Variants in SHANK2 observed in about 807,000 individuals in gnomAD.
SHANK2 encodes SH3 and multiple ankyrin repeat domains 2.
A neutral mutation model predicts 133.7 loss-of-function variants in SHANK2; 43 were observed. The observed-to-expected ratio is 0.32, with a 90% confidence interval of 0.25 to 0.41. The LOEUF is 0.41. Ranked by LOEUF, SHANK2 falls within the 10% of genes least tolerant of loss-of-function variation. The pLI, the probability that SHANK2 is intolerant of heterozygous loss-of-function variation, is 1.00. For synonymous variants in SHANK2, 1,017 were observed against 952.8 expected, an observed-to-expected ratio of 1.07 and a Z score of -1.24; for missense variants, 1,994 against 2,235.8, an observed-to-expected ratio of 0.89 and a Z score of 2.18.
intron 14 of SHANK2, among the ~76,000 whole-genome samples, chr11:70,742,136 T>C (rs1555034907): frequency 6.6e-6 from 1 of 152,204 alleles, no homozygotes; most frequent in African/African-American, 2.4e-5. Flanking sequence ...TTCCAAACCC[T>C]GGAGGCCACT....
chr11:70,629,435 AG>A (rs879956710), intron 17 of SHANK2, among the ~76,000 whole-genome samples: 2 of 152,152 alleles, frequency 1.3e-5, no homozygotes, highest in Non-Finnish European at 2.9e-5. Flanking sequence ...CCGGGTCTCC[AG>A]GCCTGATGGA....
At chr11:71,069,981 C>T (rs1166432241) in intron 9 of SHANK2, among the ~76,000 whole-genome samples, 4 of 152,304 alleles carry the variant, frequency 2.6e-5, no homozygotes, top group Admixed American at 2.6e-4. Flanking sequence ...CCACATGCCT[C>T]ATACATGTGT....
At chr11:70,820,202 C>T (rs1269992794) in intron 12 of SHANK2, among the ~76,000 whole-genome samples, 162 bp downstream of exon 12, 2 of 152,342 alleles carry the variant, frequency 1.3e-5, no homozygotes, top group African/African-American at 4.8e-5. Context: ...GGAGACCGTG[C>T]CAGCAGGGAC....
At chr11:70,599,941 A>AAAAGAAAGAAAGAAAG (rs2060467341) in intron 17 of SHANK2, among the ~76,000 whole-genome samples, 4 of 129,156 alleles carry the variant, frequency 3.1e-5, no homozygotes, top group African/African-American at 1.4e-4. Context: ...GAAAGAAAGA[A>AAAAGAAAGAAAGAAAG]AGAAAGAAAG....
intron 14 of SHANK2, among the ~76,000 whole-genome samples, chr11:70,745,632 C>T (rs903325756): frequency 6.6e-6 from 1 of 152,140 alleles, no homozygotes; most frequent in Admixed American, 6.5e-5. Flanking sequence ...CTCCGGGGAA[C>T]GTGGGTCTCG....
At chr11:70,568,953 T>C (rs1408157199) in intron 17 of SHANK2, among the ~76,000 whole-genome samples, 3 of 152,130 alleles carry the variant, frequency 2.0e-5, no homozygotes, top group Non-Finnish European at 4.4e-5. Context: ...GTGTGGCCAG[T>C]GGACTCAGCA....
chr11:70,695,524 A>ACTGG (rs1219268003), intron 15 of SHANK2, among the ~76,000 whole-genome samples: 1 of 152,180 alleles, frequency 6.6e-6, no homozygotes, highest in Non-Finnish European at 1.5e-5. Context: ...CACAAGAAAC[A>ACTGG]CTGGCCCTCC....
intron 1 of SHANK2, among the ~76,000 whole-genome samples, chr11:71,247,484 T>TA (rs139897996): frequency 0.052 from 7,559 of 146,008 alleles, 209 homozygotes; most frequent in Middle Eastern, 0.094. Flanking sequence ...CTGTTTTTTT[T>TA]AAAAAAAACA....
intron 6 of SHANK2, among the ~76,000 whole-genome samples, chr11:71,100,185 T>C (rs370087179): frequency 1.3e-5 from 2 of 152,070 alleles, no homozygotes; most frequent in East Asian, 1.9e-4. Context: ...AATGGCGCAG[T>C]CACTTTGGAA....
intron 17 of SHANK2, among the ~76,000 whole-genome samples, chr11:70,542,135 C>T (rs76664401): frequency 0.017 from 2,532 of 152,326 alleles, 47 homozygotes; most frequent in East Asian, 0.1. Flanking sequence ...AGTGAGCTGA[C>T]CGGTGGCCCT....
intron 6 of SHANK2, among the ~76,000 whole-genome samples, chr11:71,101,202 T>C (rs1342721458): frequency 6.6e-6 from 1 of 152,180 alleles, no homozygotes; most frequent in Admixed American, 6.5e-5. Context: ...AACCTAAAAC[T>C]GGGCTCTGTC....
chr11:71,071,035 A>G (rs2135967384), intron 9 of SHANK2, among the ~76,000 whole-genome samples: 1 of 152,370 alleles, frequency 6.6e-6, no homozygotes, highest in African/African-American at 2.4e-5. Context: ...AAACATCAAC[A>G]CTTTCAAATA....
chr11:71,165,309 C>T (rs1267980368), intron 2 of SHANK2, among the ~76,000 whole-genome samples: 2 of 152,200 alleles, frequency 1.3e-5, no homozygotes, highest in African/African-American at 4.8e-5. Context: ...GCTGAGATTA[C>T]AGGCATGAGC....
chr11:70,928,211 T>C (rs1293116683), intron 10 of SHANK2, among the ~76,000 whole-genome samples: 1 of 152,184 alleles, frequency 6.6e-6, no homozygotes, highest in Non-Finnish European at 1.5e-5. Flanking sequence ...CCGATACCTG[T>C]TCCCGTCGAT....
At chr11:70,605,954 C>A (rs374405372) in intron 17 of SHANK2, among the ~76,000 whole-genome samples, 1 of 152,222 alleles carries the variant, frequency 6.6e-6, no homozygotes, top group Non-Finnish European at 1.5e-5. Context: ...TTATTCCCCC[C>A]CCTCCTTGGG....
In SHANK2 at chr11:70,473,765, T is replaced by C; in HGVS notation, c.4980-326A>G. On this transcript the variant is annotated intron_variant, in intron 25 of 25. Transcript: ENST00000601538. This position sits in a 1 kb window ranked among gnomAD's most constrained non-coding sequence, Gnocchi z 5.9. ...ACTGGGACAGAGGGGCTGGGGGACC[T>C]GCCTGTGCTGGGGGGCAGGGCCGGG... The C allele has an allele frequency of 2.7e-6, 1 of 371,354 alleles. No individual in the cohort carries two copies. Among genetic ancestry groups the C allele is most frequent in the South Asian group, 2.4e-5 (1 of 40,988 alleles). 23.0% of individuals were successfully genotyped at this position (371,354 alleles called of 1,614,324 possible). A position where few individuals can be genotyped will look rare whatever the true frequency, so the allele number is the denominator to read the frequency against.
At chr11:70,681,233 T>C (rs112558226) in intron 15 of SHANK2, among the ~76,000 whole-genome samples, 1 of 152,104 alleles carries the variant, frequency 6.6e-6, no homozygotes, top group South Asian at 2.1e-4. Context: ...GGGTCCCTTT[T>C]CTCTTGGCAA....
intron 11 of SHANK2, among the ~76,000 whole-genome samples, chr11:70,889,910 A>G (rs1242147849): frequency 6.6e-6 from 1 of 152,166 alleles, no homozygotes; most frequent in Non-Finnish European, 1.5e-5. Flanking sequence ...GACTGGGGCC[A>G]GGACATGGGG....
intron 17 of SHANK2, among the ~76,000 whole-genome samples, chr11:70,655,496 A>G (rs1219670405): frequency 6.6e-6 from 1 of 152,226 alleles, no homozygotes; most frequent in Admixed American, 6.5e-5. Context: ...GTGAGGGTTA[A>G]GCGGAGCACT....
Sources: gnomAD v4.1 joint callset for allele counts (sites outside exome capture counted in the v4.1 genomes callset) on GRCh38, gnomAD v4.1.1 for gene constraint, Gnocchi (gnomAD v3.1) non-coding constraint, MANE v1.5 for transcripts, NCBI Gene and HGNC (gene_info 2026-07-23, HGNC 2026-07-21) for gene names.